The following NRG1 variants were observed in gnomAD, a reference collection of about 807,000 sequenced individuals.
The protein encoded by NRG1 is pro-neuregulin-1, membrane-bound isoform.
Under a neutral mutation model 63.8 loss-of-function variants are expected in NRG1, and 18 were observed. The ratio of observed to expected loss-of-function variants is 0.28; its 90% CI spans 0.19 to 0.42. The LOEUF is 0.42. NRG1 is among the 10% of genes least tolerant of loss of function. The pLI is 1.00. For synonymous variants in NRG1, 302 were observed against 301.3 expected (o/e 1.00, Z -0.02); for missense variants, 762 against 814.7 (o/e 0.94, Z 0.79).
chr8:32,571,342 A>G (rs1163880332), intron 1 of NRG1, among the ~76,000 whole-genome samples: 1 of 152,174 alleles, frequency 6.6e-6, no homozygotes, highest in East Asian at 1.9e-4. Flanking sequence ...TTTATAAATA[A>G]TGTGCATACA....
In NRG1 at chr8:32,603,771, A is replaced by T. The variant is rs556422177; in HGVS notation, c.279-1791A>T. Among the ~76,000 whole-genome samples the T allele has an allele frequency of 6.2e-4, 95 of 152,270 alleles. 1 individual carries two copies. The highest frequency in any genetic ancestry group is 1.2e-3 in the Non-Finnish European group (84 of 68,004). Reference sequence around the variant, plus strand: ...ATTACAGGCGTGAGCCACTGCTCCCAGCCGTGAAGTTAACTTTTCAACCCC... The same window carrying T: ...ATTACAGGCGTGAGCCACTGCTCCCTGCCGTGAAGTTAACTTTTCAACCCC... On this transcript the variant is annotated intron_variant, in intron 2 of 11. Coordinates refer to ENST00000356819, the Ensembl canonical transcript of NRG1.
intron 1 of NRG1, among the ~76,000 whole-genome samples, chr8:31,703,862 G>A (rs1478451688): frequency 6.6e-6 from 1 of 152,156 alleles, no homozygotes; most frequent in African/African-American, 2.4e-5. Context: ...CTACTTTTTA[G>A]TATCTCTCTG....
intron 1 of NRG1, among the ~76,000 whole-genome samples, chr8:32,008,486 G>A (rs1031571962): frequency 6.6e-6 from 1 of 151,916 alleles, no homozygotes; most frequent in Non-Finnish European, 1.5e-5. Flanking sequence ...TGCCTAGTTC[G>A]GTTTCTCAGA....
chr8:32,752,164 A>T (rs1260843844), intron 7 of NRG1, among the ~76,000 whole-genome samples: 1 of 152,154 alleles, frequency 6.6e-6, no homozygotes, highest in Non-Finnish European at 1.5e-5. Flanking sequence ...CAGCCCAGGG[A>T]GCTGTGCTCT....
chr8:31,813,659 C>G (rs575814551), intron 1 of NRG1, among the ~76,000 whole-genome samples: 1 of 151,668 alleles, frequency 6.6e-6, no homozygotes, highest in Non-Finnish European at 1.5e-5. Flanking sequence ...CCCTCACTAT[C>G]TGGGACTACA....
Position 32,502,231 on chromosome 8 carries a change from C to T in NRG1, c.38-93597C>T, listed in dbSNP as rs1424757843. ...GCGTCTTACATGGCAGGAGCAGGAG[C>T]AACAGAGGGTAAGGGGTCAGGTGCC... is the stretch of plus-strand genomic sequence containing the variant. On this transcript the variant is annotated intron_variant, in intron 1 of 10. Transcript: ENST00000519301. 5.9e-5 allele frequency among the ~76,000 whole-genome samples: 9 copies of T among 151,650 alleles called. No individual in the cohort carries two copies. The East Asian group carries it at 1.8e-3, about 30-fold the overall frequency.
intron 1 of NRG1, among the ~76,000 whole-genome samples, chr8:32,594,477 A>G (rs1239402986): frequency 1.3e-5 from 2 of 152,224 alleles, no homozygotes; most frequent in Non-Finnish European, 2.9e-5. Context: ...AGAAATGTCT[A>G]TGATAAACAG....
intron 6 of NRG1, among the ~76,000 whole-genome samples, chr8:32,738,506 C>G (rs182328416): frequency 1.3e-5 from 2 of 152,218 alleles, no homozygotes; most frequent in Non-Finnish European, 1.5e-5. Flanking sequence ...AGATTGTTCT[C>G]AGACATAAAA....
chr8:32,666,920 G>A lies in NRG1; in HGVS notation c.502+50035G>A, dbSNP rs558975326. The stretch of plus-strand genomic sequence containing the variant: ...TTAGCACAGTGCCCTCAAAGTTCAC[G>A]TGTATTGCAACATGCATCAGAATGT... On this transcript the variant is annotated intron_variant, in intron 5 of 11. Transcript: ENST00000356819. Among the ~76,000 whole-genome samples the A allele has an allele frequency of 6.7e-4, 102 of 152,308 alleles. 1 individual carries two copies. The highest frequency in any genetic ancestry group is 2.3e-3 in the African/African-American group (97 of 41,572).
At chr8:32,719,294 T>G (rs1490168172) in intron 5 of NRG1, among the ~76,000 whole-genome samples, 1 of 152,046 alleles carries the variant, frequency 6.6e-6, no homozygotes, top group Non-Finnish European at 1.5e-5. Context: ...TAATATCCAT[T>G]TAAACATGCA....
At chr8:31,696,834 A>G (rs1261948591) in intron 1 of NRG1, among the ~76,000 whole-genome samples, 1 of 152,190 alleles carries the variant, frequency 6.6e-6, no homozygotes, top group East Asian at 1.9e-4. Context: ...ATTATTCTAC[A>G]CTGCCTCTCA....
intron 1 of NRG1, among the ~76,000 whole-genome samples, chr8:32,136,288 G>C (rs11990289): frequency 2.0e-5 from 3 of 152,108 alleles, no homozygotes; most frequent in Non-Finnish European, 4.4e-5. Flanking sequence ...ACCTCTTGCA[G>C]GTACTGTTGT....
chr8:31,671,727 G>A lies in NRG1; in HGVS notation c.37+32296G>A, dbSNP rs571527857. The stretch of plus-strand genomic sequence containing the variant: ...TGAAAGGAGCAAAGGGAACATTTTC[G>A]TGGGACATAAGTAAGATTTAGGAGA... On this transcript the variant is annotated intron_variant, in intron 1 of 10. Coordinates refer to the NRG1 transcript ENST00000519301. Among the ~76,000 whole-genome samples the A allele has an allele frequency of 7.9e-5, 12 of 152,214 alleles. No individual in the cohort carries two copies. In the South Asian group the frequency reaches 1.7e-3, roughly 21 times the overall value.
At chr8:32,328,705 G>A (rs1017802748) in intron 1 of NRG1, among the ~76,000 whole-genome samples, 1 of 152,122 alleles carries the variant, frequency 6.6e-6, no homozygotes, top group Non-Finnish European at 1.5e-5. Flanking sequence ...TGTTCTTAGA[G>A]AGTGGGTTCC....
chr8:31,686,084 T>C (rs747257840), intron 1 of NRG1, among the ~76,000 whole-genome samples: 48 of 152,292 alleles, frequency 3.2e-4, no homozygotes, highest in Non-Finnish European at 6.3e-4. Context: ...AGAAATTGGA[T>C]ATAAAGCACT....
chr8:32,652,686 C>T (rs2129547739), intron 5 of NRG1, among the ~76,000 whole-genome samples: 1 of 152,182 alleles, frequency 6.6e-6, no homozygotes. Context: ...TAGCCAATGA[C>T]CAATATACCA....
chr8:32,307,320 C>T (rs1856302158), intron 1 of NRG1, among the ~76,000 whole-genome samples: 1 of 152,110 alleles, frequency 6.6e-6, no homozygotes, highest in South Asian at 2.1e-4. Context: ...GGTGGTTCTC[C>T]TGAAAATCTG....
chr8:32,761,877 A>G (rs1167197453), intron 11 of NRG1, among the ~76,000 whole-genome samples: 1 of 151,722 alleles, frequency 6.6e-6, no homozygotes, highest in Non-Finnish European at 1.5e-5. Context: ...CATCTCTACT[A>G]AAAATACAAA....
intron 1 of NRG1, among the ~76,000 whole-genome samples, chr8:32,285,153 A>G (rs945241795): frequency 6.6e-6 from 1 of 152,202 alleles, no homozygotes; most frequent in African/African-American, 2.4e-5. Flanking sequence ...AATCAATAGG[A>G]AACATAAAAC....
Sources: gnomAD v4.1 joint callset for allele counts (sites outside exome capture counted in the v4.1 genomes callset) on GRCh38, gnomAD v4.1.1 for gene constraint, MANE v1.5 for transcripts, NCBI Gene and HGNC (gene_info 2026-07-23, HGNC 2026-07-21) for gene names.